GGCX: variants seen among roughly 807,000 people sequenced by gnomAD.
GGCX encodes the protein vitamin K-dependent gamma-carboxylase.
GGCX carries 63 observed loss-of-function variants against 88.5 expected under a neutral mutation model. The ratio of observed to expected loss-of-function variants is 0.71; its 90% CI spans 0.58 to 0.88. The LOEUF is 0.88. Ranked by LOEUF, GGCX falls within the 40% of genes least tolerant of loss-of-function variation. GGCX has a pLI of 0.00. For synonymous variants in GGCX, 368 were observed against 365.8 expected (o/e 1.01, Z -0.07); for missense variants, 805 against 932.9 (o/e 0.86, Z 1.79).
rs893789215 is a variant in GGCX at position 85,549,649 on chromosome 2, C to T, written c.*285G>A. On this transcript the variant is annotated 3_prime_UTR_variant, in exon 15 of 15. Coordinates refer to ENST00000233838, the MANE Select transcript of GGCX (RefSeq NM_000821.7). ...ATGCTGGGATTACAGGCGTGAGCCA[C>T]GGCACCCAGCCCCCAAAAAGCCACT... is the stretch of plus-strand genomic sequence containing the variant. The T allele has an allele frequency of 9.2e-5, 37 of 402,160 alleles. No homozygotes were observed. Among genetic ancestry groups the T allele is most frequent in the South Asian group, 5.1e-4 (23 of 45,084 alleles). 24.9% of individuals were successfully genotyped at this position (402,160 alleles called of 1,614,324 possible).
rs542308713 is a variant in GGCX at position 85,559,087 on chromosome 2, A to G, written c.215-12T>C. 2 of 1,613,280 alleles carry G rather than the reference A, an allele frequency of 1.2e-6. No homozygotes were observed. The highest frequency in any genetic ancestry group is 2.7e-5 in the African/African-American group (2 of 75,050). On this transcript the variant is annotated splice_polypyrimidine_tract_variant and intron_variant, in intron 2 of 14. Transcript: ENST00000233838. ...CACCATCAAGAACCCTAAGAAGGCA[A>G]TAGGGGAGTTGGTCATTGGGCCTCA...
Position 85,553,074 on chromosome 2 carries a change from G to A in GGCX, c.1156-4C>T, listed in dbSNP as rs542374800. ...CATTTGTCCAGTTGTTATAGCCCTG[G>A]GAAGGCAGCACAGAGGGGAATCAGC... On this transcript the variant is annotated splice_polypyrimidine_tract_variant and splice_region_variant and intron_variant, in intron 8 of 14. Transcript: ENST00000233838. 5 of 1,614,046 alleles carry A rather than the reference G, an allele frequency of 3.1e-6. No homozygotes were observed. The highest frequency in any genetic ancestry group is 1.3e-5 in the African/African-American group (1 of 74,904).
chr2:85,557,728 G>A (rs1034580817), intron 4 of GGCX, among the ~76,000 whole-genome samples: 5 of 152,096 alleles, frequency 3.3e-5, no homozygotes, highest in Admixed American at 6.5e-5. Context: ...GCAACAAAGC[G>A]AGACCCCATC....
In GGCX at chr2:85,550,019, A is replaced by G. The variant is rs752348969; in HGVS notation, c.2192T>C (p.Val731Ala). ...CGTGTTTGAGGGATTCAGTTCTCCA[A>G]CTGCCTCAAAGGGTCTCAAGTTTGC... ...TYANLRPFEA[V>A]GELNPSNTDS... Residue 731 changes from valine to alanine, a missense_variant, in exon 15 of 15, where the codon GTT becomes GCT. By Grantham distance (64) the Val-to-Ala change is moderately conservative. Coordinates refer to ENST00000233838, the MANE Select transcript of GGCX (RefSeq NM_000821.7). The G allele has an allele frequency of 4.2e-5, 67 of 1,612,562 alleles. No homozygotes were observed. Among genetic ancestry groups the G allele is most frequent in the Middle Eastern group, 1.6e-4 (1 of 6,080 alleles).
At position 85,548,663 on chromosome 2, in the gene GGCX, G is replaced by A. The variant is rs138748664; in HGVS notation, c.*1271C>T. 6.6e-6 allele frequency: 1 copy of A among 152,300 alleles called. No homozygotes were observed. Among genetic ancestry groups the A allele is most frequent in the African/African-American group, 2.4e-5 (1 of 41,560 alleles). The allele number at this position is 152,300 out of a possible 1,614,324, so 9.4% of individuals were successfully genotyped here. A position where few individuals can be genotyped will look rare whatever the true frequency, so the allele number is the denominator to read the frequency against. On this transcript the variant is annotated 3_prime_UTR_variant, in exon 15 of 15. Coordinates refer to ENST00000233838, the MANE Select transcript of GGCX (RefSeq NM_000821.7). ...AATTTACTACCGGTCTCTGCTACAA[G>A]TCCATGAGCTCCCAAAGCAGGGATC...
intron 2 of GGCX, 85 bp from the exon 3 acceptor site, chr2:85,559,160 C>G (rs1326512926): frequency 8.9e-7 from 1 of 1,126,806 alleles, no homozygotes; most frequent in African/African-American, 1.5e-5. Context: ...CAGTGTGCAG[C>G]TCCAGGGTCA....
At chr2:85,551,651 A>G in intron 11 of GGCX, 41 bp from the exon 12 acceptor site, 1 of 1,611,708 alleles carries the variant, frequency 6.2e-7, no homozygotes, top group East Asian at 2.2e-5. Flanking sequence ...CCCATGGCAG[A>G]GTGAACTCAC....
chr2:85,558,901 C>T lies in GGCX; in HGVS notation c.373+16G>A. 6.2e-7 allele frequency: 1 copy of T among 1,611,554 alleles called. No homozygotes were observed. The highest frequency in any genetic ancestry group is 8.5e-7 in the Non-Finnish European group (1 of 1,177,676). ...TTTCTGGCAGGCCAGTCAATATTTC[C>T]CACAGTTCCCCTCACCCAGAAACAT... On this transcript the variant is annotated intron_variant, in intron 3 of 14. Coordinates refer to ENST00000233838, the MANE Select transcript of GGCX (RefSeq NM_000821.7).
chr2:85,552,974 C>T lies in GGCX; in HGVS notation c.1252G>A (p.Gly418Ser). 2 of 1,614,194 alleles carry T rather than the reference C, an allele frequency of 1.2e-6. No homozygotes were observed. The highest frequency in any genetic ancestry group is 1.7e-6 in the Non-Finnish European group (2 of 1,180,000). The change falls in exon 9 of 15, where the codon GGC (glycine) becomes AGC (serine). Residue 418 changes from glycine (G) to serine (S), a missense_variant. By Grantham distance (56) the Gly-to-Ser change is moderately conservative. This residue lies in a region of GGCX where 680 missense variants were observed against 763.7 expected (regional missense o/e 0.89). Transcript: ENST00000233838. ...HQHVKITYRDGRTGELGYLNP... is the reference protein window; with the variant it reads ...HQHVKITYRDSRTGELGYLNP... ...AGGTAGCCCAGTTCGCCAGTGCGGC[C>T]ATCACGGTAGGTGATCTTCACGTGC...
In GGCX at chr2:85,560,814, C is replaced by A. The variant is rs767783934; in HGVS notation, c.214+1G>T. 1.2e-6 allele frequency: 2 copies of A among 1,613,514 alleles called. No individual in the cohort carries two copies. Among genetic ancestry groups the A allele is most frequent in the Admixed American group, 3.3e-5 (2 of 60,016 alleles). On this transcript the variant is annotated splice_donor_variant, in intron 2 of 14. Transcript: ENST00000233838. LOFTEE classifies it high-confidence loss of function. ...TGCTCCCACCCATAAACTGGACTCA[C>A]CAAAAAGAAAACGAAAGACAGCTAA...
In GGCX at chr2:85,545,893, G is replaced by A. The variant is rs2103930282; in HGVS notation, c.*4041C>T. The A allele has an allele frequency of 6.6e-6, 1 of 152,310 alleles. No homozygotes were observed. Among genetic ancestry groups the A allele is most frequent in the Admixed American group, 6.5e-5 (1 of 15,300 alleles). 9.4% of individuals were successfully genotyped at this position (152,310 alleles called of 1,614,324 possible). On this transcript the variant is annotated 3_prime_UTR_variant, in exon 15 of 15. Transcript: ENST00000233838. The stretch of plus-strand genomic sequence containing the variant: ...TCAATATCTTGCAGAGATAAATAAT[G>A]CAAATTAGCTGAAAATGCTATAAAT...
chr2:85,559,720 AAAG>A (rs1194400758), intron 2 of GGCX, among the ~76,000 whole-genome samples: 2 of 71,118 alleles, frequency 2.8e-5, no homozygotes, highest in African/African-American at 1.2e-4. Flanking sequence ...CGTCTCAAAA[AAAG>A]AAAGAAAGAA....
Position 85,553,341 on chromosome 2 carries a change from C to T in GGCX, c.1046G>A (p.Arg349Gln), listed in dbSNP as rs146930374. The T allele has an allele frequency of 1.0e-4, 168 of 1,614,198 alleles. 1 individual carries two copies. Among genetic ancestry groups the T allele is most frequent in the Non-Finnish European group, 1.2e-4 (139 of 1,180,024 alleles). Residue 349 changes from arginine to glutamine, a missense_variant, in exon 8 of 15, where the codon CGG becomes CAG. This residue lies in a region of GGCX where 680 missense variants were observed against 763.7 expected (regional missense o/e 0.89). Coordinates refer to ENST00000233838, the MANE Select transcript of GGCX (RefSeq NM_000821.7). ...CCCTGGCTTCTGGCCACTTTTGCCCCGGCTCCTCTTATACACACAGGAAAC... is the reference window on the plus strand; with the variant it reads ...CCCTGGCTTCTGGCCACTTTTGCCCTGGCTCCTCTTATACACACAGGAAAC... ...PSVSCVYKRS[R>Q]GKSGQKPGLR...
chr2:85,561,268 C>A, intron 1 of GGCX, 118 bp downstream of exon 1: 2 of 667,330 alleles, frequency 3.0e-6, no homozygotes, highest in Non-Finnish European at 2.5e-6. Flanking sequence ...ACGCCCCCTT[C>A]CCCACAGAGG....
Position 85,551,022 on chromosome 2 carries a change from A to G in GGCX, c.1791T>C (p.Ser597=), listed in dbSNP as rs757983323. ...HKVYTTSPSP[S]CYMYVYVNTT... ...TGTTGACATAGACGTACATGTAGCA[A>G]GAAGGGCTAGGTGATGTCGTATACA... is the stretch of plus-strand genomic sequence containing the variant. Residue 597 remains serine (S), a synonymous_variant, in exon 13 of 15, where the codon TCT becomes TCC. Coordinates refer to ENST00000233838, the MANE Select transcript of GGCX (RefSeq NM_000821.7). 6 of 1,613,860 alleles carry G rather than the reference A, an allele frequency of 3.7e-6. No homozygotes were observed. The highest frequency in any genetic ancestry group is 1.1e-5 in the South Asian group (1 of 91,082).
Position 85,552,540 on chromosome 2 carries a change from C to A in GGCX, c.1315G>T (p.Asp439Tyr), listed in dbSNP as rs1451355020. 2 of 1,613,856 alleles carry A rather than the reference C, an allele frequency of 1.2e-6. No homozygotes were observed. The highest frequency in any genetic ancestry group is 4.5e-5 in the East Asian group (2 of 44,882). Residue 439 changes from aspartate to tyrosine, a missense_variant, in exon 10 of 15, where the codon GAT (aspartate) becomes TAT (tyrosine). Around this residue, in one of 3 missense-constraint regions of GGCX, gnomAD observed 680 missense variants for 763.7 expected, o/e 0.89. Coordinates refer to ENST00000233838, the MANE Select transcript of GGCX (RefSeq NM_000821.7). ...TATTGCTTCAGCATGTCTGCATGATCCTTCCATCGCCGACTCTGTGTAAAT... is the reference window on the plus strand; with the variant it reads ...TATTGCTTCAGCATGTCTGCATGATACTTCCATCGCCGACTCTGTGTAAAT... Reference protein sequence around the residue: ...GVFTQSRRWKDHADMLKQYAT... With the variant: ...GVFTQSRRWKYHADMLKQYAT...
intron 2 of GGCX, among the ~76,000 whole-genome samples, chr2:85,560,510 G>A (rs776004610): frequency 1.1e-4 from 17 of 152,042 alleles, no homozygotes; most frequent in Non-Finnish European, 1.8e-4. Context: ...GACTGAGGGA[G>A]GAGAATCGCT....
Position 85,556,268 on chromosome 2 carries a change from G to A in GGCX, c.540-8C>T, listed in dbSNP as rs374625413. The A allele has an allele frequency of 5.7e-5, 91 of 1,591,734 alleles. No homozygotes were observed. Among genetic ancestry groups the A allele is most frequent in the African/African-American group, 5.1e-4 (38 of 74,546 alleles). ...AGCAGACCGTCCACAGACCTACACC[G>A]AGGGAGGTAAACATTGAGGGGGGAG... On this transcript the variant is annotated splice_polypyrimidine_tract_variant and splice_region_variant and intron_variant, in intron 4 of 14. Coordinates refer to ENST00000233838, the MANE Select transcript of GGCX (RefSeq NM_000821.7).
At chr2:85,554,336 C>T (rs760816678) in intron 6 of GGCX, 30 bp from the exon 7 acceptor site, 52 of 1,609,070 alleles carry the variant, frequency 3.2e-5, no homozygotes, top group Non-Finnish European at 4.4e-5. Context: ...GTTCAAGCAC[C>T]AGCCCACTGG....
Sources: gnomAD v4.1 joint callset for allele counts (sites outside exome capture counted in the v4.1 genomes callset) on GRCh38, gnomAD v4.1.1 for gene constraint, gnomAD v4.1.1 regional missense constraint, MANE v1.5 for transcripts, NCBI Gene and HGNC (gene_info 2026-07-23, HGNC 2026-07-21) for gene names.